The following ATF6 variants were observed in gnomAD, a reference collection of about 807,000 sequenced individuals.
ATF6 encodes cyclic AMP-dependent transcription factor ATF-6 alpha.
ATF6 carries 53 observed loss-of-function variants against 83.6 expected under a neutral mutation model. The ratio of observed to expected loss-of-function variants is 0.63; its 90% CI spans 0.51 to 0.80. The LOEUF (loss-of-function observed/expected upper bound fraction) is 0.80. Among genes scored for constraint, ATF6 ranks in the 30% least tolerant of loss-of-function variants. The probability of loss-of-function intolerance (pLI) is 0.00; values close to 1 mark genes in which losing one functional copy is unlikely to be tolerated. For synonymous variants in ATF6, 288 were observed against 285.8 expected (o/e 1.01, Z -0.08); for missense variants, 744 against 797.9 (o/e 0.93, Z 0.81).
chr1:161,847,876 A>G (rs867439417), intron 10 of ATF6, among the ~76,000 whole-genome samples: 5 of 152,124 alleles, frequency 3.3e-5, no homozygotes, highest in Non-Finnish European at 5.9e-5. Flanking sequence ...TTACAAGAAT[A>G]TTATTTATTC....
At chr1:161,807,895 T>G (rs1233926574) in intron 7 of ATF6, among the ~76,000 whole-genome samples, 2 of 133,304 alleles carry the variant, frequency 1.5e-5, no homozygotes, top group African/African-American at 5.5e-5. Flanking sequence ...TTTTTTTTTT[T>G]TTGAGACAAA....
intron 9 of ATF6, among the ~76,000 whole-genome samples, chr1:161,825,397 G>A (rs1042710598): frequency 6.6e-6 from 1 of 152,142 alleles, no homozygotes; most frequent in Non-Finnish European, 1.5e-5. Context: ...ACAGGTTAAG[G>A]GCTGAGTATC....
At chr1:161,795,757 T>C (rs1170804184) in intron 6 of ATF6, among the ~76,000 whole-genome samples, 2 of 152,222 alleles carry the variant, frequency 1.3e-5, no homozygotes, top group Admixed American at 6.5e-5. Context: ...GGAACAGTAG[T>C]AACTATGTTC....
intron 7 of ATF6, among the ~76,000 whole-genome samples, chr1:161,812,454 G>A (rs1288093129): frequency 7.9e-6 from 1 of 127,130 alleles, no homozygotes; most frequent in African/African-American, 3.1e-5. Flanking sequence ...GTGCAGTGGC[G>A]GGATCTCGGC....
chr1:161,782,128 C>G (rs1684645887), intron 3 of ATF6, 129 bp downstream of exon 3: 1 of 606,254 alleles, frequency 1.6e-6, no homozygotes. Flanking sequence ...GTTATGCATT[C>G]TACTTCTGGT....
At chr1:161,925,550 T>A (rs1688295689) in intron 15 of ATF6, among the ~76,000 whole-genome samples, 1 of 152,204 alleles carries the variant, frequency 6.6e-6, no homozygotes, top group Non-Finnish European at 1.5e-5. Flanking sequence ...CCCAGAATAC[T>A]CCAAACTTTC....
chr1:161,926,967 T>G (rs1311004775), intron 15 of ATF6, among the ~76,000 whole-genome samples: 2 of 151,508 alleles, frequency 1.3e-5, no homozygotes, highest in African/African-American at 2.4e-5. Flanking sequence ...TGGTTCCATG[T>G]TTTTTTTTAG....
intron 15 of ATF6, among the ~76,000 whole-genome samples, chr1:161,926,406 G>A (rs930932811): frequency 6.6e-6 from 1 of 152,048 alleles, no homozygotes; most frequent in African/African-American, 2.4e-5. Flanking sequence ...TGTTGACTGG[G>A]GCTGAAGACT....
chr1:161,870,026 A>ATT (rs35265275), intron 14 of ATF6, among the ~76,000 whole-genome samples: 2,414 of 150,724 alleles, frequency 0.016, 53 homozygotes, highest in African/African-American at 0.047. Flanking sequence ...TAATACAGTG[A>ATT]TTTTTTTTTC....
At chr1:161,915,749 C>T (rs6672073) in intron 15 of ATF6, among the ~76,000 whole-genome samples, 39,948 of 151,764 alleles carry the variant, frequency 0.26, 8,867 homozygotes, top group African/African-American at 0.61. Flanking sequence ...TTCAGCCTCC[C>T]GAGCAGCTCC....
At chr1:161,893,715 T>C (rs2101872348) in intron 14 of ATF6, among the ~76,000 whole-genome samples, 1 of 152,352 alleles carries the variant, frequency 6.6e-6, no homozygotes, top group Non-Finnish European at 1.5e-5. Context: ...GTTCATACCA[T>C]TTGACAGGCT....
chr1:161,848,121 A>C (rs980055482), intron 10 of ATF6, among the ~76,000 whole-genome samples: 2 of 151,444 alleles, frequency 1.3e-5, no homozygotes, highest in Admixed American at 1.3e-4. Flanking sequence ...AAAAAAAAAA[A>C]CCAAAAAACA....
intron 7 of ATF6, among the ~76,000 whole-genome samples, chr1:161,805,806 C>G (rs1685264428): frequency 7.2e-6 from 1 of 137,942 alleles, no homozygotes. Flanking sequence ...GAATTGTAAT[C>G]CACCAAAAAA....
At chr1:161,836,903 A>G (rs1345604907) in intron 9 of ATF6, among the ~76,000 whole-genome samples, 1 of 152,140 alleles carries the variant, frequency 6.6e-6, no homozygotes, top group Admixed American at 6.6e-5. Context: ...CTTTCTACCT[A>G]GTGAGAAGGG....
intron 14 of ATF6, among the ~76,000 whole-genome samples, chr1:161,908,947 T>C (rs1047619276): frequency 2.0e-5 from 3 of 152,176 alleles, no homozygotes; most frequent in Non-Finnish European, 4.4e-5. Context: ...ATTATAAATA[T>C]GGTTTCTATG....
intron 14 of ATF6, among the ~76,000 whole-genome samples, chr1:161,886,135 G>T (rs981932563): frequency 6.6e-6 from 1 of 152,142 alleles, no homozygotes; most frequent in Non-Finnish European, 1.5e-5. Flanking sequence ...AGGCAGTGTG[G>T]CATTTCAGAC....
At chr1:161,954,603 C>G (rs372858746) in intron 15 of ATF6, among the ~76,000 whole-genome samples, 1 of 152,158 alleles carries the variant, frequency 6.6e-6, no homozygotes. Flanking sequence ...AGCTAACAGT[C>G]TCTTGGCAGG....
intron 7 of ATF6, among the ~76,000 whole-genome samples, chr1:161,811,437 T>C (rs1685453099): frequency 6.6e-6 from 1 of 152,216 alleles, no homozygotes; most frequent in African/African-American, 2.4e-5. Flanking sequence ...TTATGGCTTC[T>C]TATAACTTCC....
At chr1:161,866,983 C>T (rs1292117237) in intron 14 of ATF6, among the ~76,000 whole-genome samples, 1 of 152,002 alleles carries the variant, frequency 6.6e-6, no homozygotes, top group African/African-American at 2.4e-5. Context: ...CTCCTGGACT[C>T]AATAATGCTT....
Sources: gnomAD v4.1 joint callset for allele counts (sites outside exome capture counted in the v4.1 genomes callset) on GRCh38, gnomAD v4.1.1 for gene constraint, MANE v1.5 for transcripts, NCBI Gene and HGNC (gene_info 2026-07-23, HGNC 2026-07-21) for gene names.